Variants in NELL1 observed in about 807,000 individuals in gnomAD.
The protein encoded by NELL1 is protein kinase C-binding protein NELL1.
A neutral mutation model predicts 107.4 loss-of-function variants in NELL1; 76 were observed. The observed-to-expected ratio is 0.71, with a 90% CI of 0.59 to 0.86. The LOEUF (loss-of-function observed/expected upper bound fraction) is 0.86, where lower values mean the gene tolerates loss of function less well. NELL1 is among the 40% of genes least tolerant of loss of function. NELL1 has a pLI of 0.00. For missense variants in NELL1, 1,024 were observed against 1,005.5 expected (o/e 1.02, Z -0.25); for synonymous variants, 353 against 341.2 (o/e 1.03, Z -0.38).
At chr11:21,135,427 G>A (rs762943705) in intron 13 of NELL1, among the ~76,000 whole-genome samples, 9 of 152,128 alleles carry the variant, frequency 5.9e-5, no homozygotes, top group South Asian at 2.1e-4. Context: ...TTCAGGAGGC[G>A]TTTTGTTTAT....
chr11:21,555,474 C>A (rs1265930851), intron 16 of NELL1, among the ~76,000 whole-genome samples: 2 of 151,752 alleles, frequency 1.3e-5, no homozygotes, highest in Admixed American at 1.3e-4. Context: ...GAAATAAAAT[C>A]TGGATCAAGG....
At chr11:21,277,753 C>T (rs546630627) in intron 14 of NELL1, among the ~76,000 whole-genome samples, 6 of 152,212 alleles carry the variant, frequency 3.9e-5, no homozygotes, top group South Asian at 4.1e-4. Flanking sequence ...TTTTTAGGGA[C>T]GTGGATGAAG....
At chr11:21,382,664 G>A (rs761367668) in intron 15 of NELL1, among the ~76,000 whole-genome samples, 1 of 151,808 alleles carries the variant, frequency 6.6e-6, no homozygotes, top group Non-Finnish European at 1.5e-5. Flanking sequence ...CCTTTCCATA[G>A]GGCCCTTTGT....
chr11:20,967,334 CT>C (rs376816350), intron 12 of NELL1, among the ~76,000 whole-genome samples: 385 of 147,096 alleles, frequency 2.6e-3, no homozygotes, highest in African/African-American at 6.6e-3. Context: ...ACTTAGGTAA[CT>C]TTTTTTTTTT....
chr11:21,115,719 G>A (rs1402877441), intron 13 of NELL1, among the ~76,000 whole-genome samples: 2 of 151,836 alleles, frequency 1.3e-5, no homozygotes, highest in Non-Finnish European at 2.9e-5. Flanking sequence ...CAACAGAAAG[G>A]ATACCAGTGC....
At chr11:21,258,063 G>A (rs1382629631) in intron 14 of NELL1, among the ~76,000 whole-genome samples, 4 of 152,036 alleles carry the variant, frequency 2.6e-5, no homozygotes, top group Non-Finnish European at 5.9e-5. Context: ...CGCCCGAAGT[G>A]GAGAAGAAGT....
chr11:21,413,956 T>A (rs1370195499), intron 15 of NELL1, among the ~76,000 whole-genome samples: 1 of 152,010 alleles, frequency 6.6e-6, no homozygotes, highest in Non-Finnish European at 1.5e-5. Flanking sequence ...ATGATCAAGA[T>A]TTTTTTGTTG....
intron 14 of NELL1, among the ~76,000 whole-genome samples, chr11:21,299,242 G>A (rs1441085201): frequency 1.3e-5 from 2 of 151,926 alleles, no homozygotes; most frequent in Non-Finnish European, 2.9e-5. Context: ...AATTTTTGCA[G>A]CATTTTCAGT....
intron 13 of NELL1, among the ~76,000 whole-genome samples, chr11:21,130,372 T>C (rs1379172351): frequency 6.6e-6 from 1 of 152,092 alleles, no homozygotes; most frequent in Non-Finnish European, 1.5e-5. Context: ...TTTACTAATT[T>C]TTTTCTATAA....
chr11:20,729,624 A>G (rs1055622284), intron 2 of NELL1, among the ~76,000 whole-genome samples: 3 of 152,114 alleles, frequency 2.0e-5, no homozygotes, highest in Non-Finnish European at 4.4e-5. Context: ...ATATGTTGAT[A>G]GATTGCTAGT....
chr11:20,949,151 G>A (rs1023876249), intron 11 of NELL1, among the ~76,000 whole-genome samples: 2 of 152,186 alleles, frequency 1.3e-5, no homozygotes, highest in Admixed American at 6.5e-5. Context: ...AAAAACAGGT[G>A]GCAGCCTGTA....
chr11:21,478,290 A>T (rs1854400518), intron 15 of NELL1, among the ~76,000 whole-genome samples: 1 of 152,182 alleles, frequency 6.6e-6, no homozygotes. Flanking sequence ...CATGGGGATT[A>T]AAATTCAAGA....
At chr11:21,380,816 G>A (rs1187304773) in intron 15 of NELL1, among the ~76,000 whole-genome samples, 2 of 152,012 alleles carry the variant, frequency 1.3e-5, no homozygotes, top group East Asian at 1.9e-4. Context: ...TCACAAACAA[G>A]AATTTGGACG....
At chr11:21,336,899 G>A (rs1289958246) in intron 14 of NELL1, among the ~76,000 whole-genome samples, 1 of 151,964 alleles carries the variant, frequency 6.6e-6, no homozygotes, top group African/African-American at 2.4e-5. Context: ...TTGAGATGCT[G>A]AGAGAATAAT....
At chr11:21,254,990 C>T (rs1377814190) in intron 14 of NELL1, among the ~76,000 whole-genome samples, 1 of 152,054 alleles carries the variant, frequency 6.6e-6, no homozygotes, top group Non-Finnish European at 1.5e-5. Context: ...TGGTAATGAT[C>T]TGAAATGACA....
intron 12 of NELL1, among the ~76,000 whole-genome samples, chr11:21,052,986 A>T (rs1331124022): frequency 9.2e-5 from 14 of 151,910 alleles, no homozygotes; most frequent in Admixed American, 9.2e-4. Flanking sequence ...GCTTGAAGGG[A>T]GATAGACACT....
At chr11:21,128,551 G>A (rs555304029) in intron 13 of NELL1, among the ~76,000 whole-genome samples, 1 of 152,244 alleles carries the variant, frequency 6.6e-6, no homozygotes, top group East Asian at 1.9e-4. Flanking sequence ...TCTTACTTGT[G>A]AATCATCAAA....
chr11:20,947,479 G>T (rs767373223), intron 11 of NELL1, 44 bp downstream of exon 11: 1 of 1,418,024 alleles, frequency 7.1e-7, no homozygotes, highest in Non-Finnish European at 1.0e-6. Flanking sequence ...TGAGGCTGGG[G>T]CTGGTCTTCT....
intron 12 of NELL1, among the ~76,000 whole-genome samples, chr11:21,101,404 G>A (rs1854808281): frequency 6.6e-6 from 1 of 152,204 alleles, no homozygotes; most frequent in African/African-American, 2.4e-5. Context: ...GATCCCTGAG[G>A]AAATGCCACA....
Sources: gnomAD v4.1 joint callset for allele counts (sites outside exome capture counted in the v4.1 genomes callset) on GRCh38, gnomAD v4.1.1 for gene constraint, MANE v1.5 for transcripts, NCBI Gene and HGNC (gene_info 2026-07-23, HGNC 2026-07-21) for gene names.